Variants in GLIS1 observed in about 807,000 individuals in gnomAD.
The protein encoded by GLIS1 is GLIS family zinc finger 1.
GLIS1 carries 24 observed loss-of-function variants against 63.8 expected under a neutral mutation model. That is an observed-to-expected ratio of 0.38 (90% CI 0.27 to 0.53). The LOEUF is 0.53. Ranked by LOEUF, GLIS1 falls within the 20% of genes least tolerant of loss-of-function variation. The pLI is 0.85. For synonymous variants in GLIS1, 450 were observed against 482.5 expected (o/e 0.93, Z 0.88); for missense variants, 1,036 against 1,074.1 (o/e 0.96, Z 0.50).
At chr1:53,509,747 G>T in intron 9 of GLIS1, 102 bp downstream of exon 9, 1 of 705,634 alleles carries the variant, frequency 1.4e-6, no homozygotes, top group South Asian at 7.3e-5. Context: ...GTCATTCTCT[G>T]AGTACCTGCC....
At chr1:53,550,314 G>A (rs1355352508) in intron 4 of GLIS1, among the ~76,000 whole-genome samples, 1 of 152,200 alleles carries the variant, frequency 6.6e-6, no homozygotes. Flanking sequence ...TAGCAAGTGA[G>A]CATCCCTGGC....
At chr1:53,678,063 C>A (rs949386431) in intron 2 of GLIS1, among the ~76,000 whole-genome samples, 3 of 152,248 alleles carry the variant, frequency 2.0e-5, no homozygotes, top group Admixed American at 6.5e-5. Context: ...CTGGCACCAC[C>A]GGCTCCTTGG....
chr1:53,565,462 A>T (rs948290710), intron 4 of GLIS1, among the ~76,000 whole-genome samples: 1 of 152,088 alleles, frequency 6.6e-6, no homozygotes, highest in Non-Finnish European at 1.5e-5. Flanking sequence ...AAAGACTAGT[A>T]GACAAACCTC....
At chr1:53,684,115 A>G (rs1646304824) in intron 2 of GLIS1, among the ~76,000 whole-genome samples, 1 of 152,030 alleles carries the variant, frequency 6.6e-6, no homozygotes, top group African/African-American at 2.4e-5. Flanking sequence ...TCTAAACTCC[A>G]AAGTTCCCAG....
intron 4 of GLIS1, among the ~76,000 whole-genome samples, chr1:53,583,853 A>G (rs551124116): frequency 3.8e-4 from 58 of 152,366 alleles, no homozygotes; most frequent in African/African-American, 1.3e-3. Flanking sequence ...ACAGTTGTGC[A>G]AACTTTACGG....
intron 7 of GLIS1, among the ~76,000 whole-genome samples, chr1:53,517,012 T>A (rs1200980537): frequency 3.3e-5 from 5 of 152,182 alleles, no homozygotes; most frequent in African/African-American, 9.6e-5. Context: ...CTTTCCACAT[T>A]ATCTAGTTTA....
chr1:53,733,243 C>G (rs531633777), intron 2 of GLIS1, among the ~76,000 whole-genome samples: 184 of 152,250 alleles, frequency 1.2e-3, no homozygotes, highest in Non-Finnish European at 2.1e-3. Context: ...GCTTCTCACG[C>G]AAATGAAACG....
At chr1:53,516,083 T>A (rs1448658820) in intron 7 of GLIS1, among the ~76,000 whole-genome samples, 1 of 152,140 alleles carries the variant, frequency 6.6e-6, no homozygotes, top group Non-Finnish European at 1.5e-5. Context: ...GGGGCTGCAC[T>A]GATGGACTCT....
rs111438555 is a variant in GLIS1, at chr1:53,512,037, A to G, written c.1884-2010T>C. Among the ~76,000 whole-genome samples the G allele has an allele frequency of 3.5e-3, 531 of 152,378 alleles. 7 individuals are homozygous for G. Among genetic ancestry groups the G allele is most frequent in the African/African-American group, 0.012 (517 of 41,596 alleles). ...TCCCAGAGATTAACAGCATTGCAGGATTAAGATGAACCAGATATGAAGGGG... is the reference window on the plus strand; with the variant it reads ...TCCCAGAGATTAACAGCATTGCAGGGTTAAGATGAACCAGATATGAAGGGG... On this transcript the variant is annotated intron_variant, in intron 8 of 10. Coordinates refer to ENST00000628545, the MANE Select transcript of GLIS1 (RefSeq NM_001367484.1).
chr1:53,595,645 G>A (rs1379741304), intron 3 of GLIS1, among the ~76,000 whole-genome samples: 1 of 152,212 alleles, frequency 6.6e-6, no homozygotes, highest in Admixed American at 6.5e-5. Context: ...CAGGAAGAAG[G>A]CTGAGGCTGG....
At chr1:53,524,933 C>T (rs368487306) in intron 5 of GLIS1, 46 bp from the exon 6 acceptor site, 44 of 1,403,142 alleles carry the variant, frequency 3.1e-5, no homozygotes, top group African/African-American at 1.6e-4. Flanking sequence ...CCCATCCCTA[C>T]GGGACACGCG....
intron 2 of GLIS1, among the ~76,000 whole-genome samples, chr1:53,649,886 G>C (rs976329536): frequency 2.0e-5 from 3 of 152,144 alleles, no homozygotes; most frequent in African/African-American, 7.2e-5. Flanking sequence ...ATCAACAGTA[G>C]GTCATTAGCA....
intron 5 of GLIS1, among the ~76,000 whole-genome samples, chr1:53,529,308 C>T (rs3855966): frequency 0.14 from 21,901 of 152,148 alleles, 3,280 homozygotes; most frequent in East Asian, 0.49. Flanking sequence ...CAGGGCTCAA[C>T]GGACAAAAGA....
intron 2 of GLIS1, among the ~76,000 whole-genome samples, chr1:53,631,464 A>G (rs1338762642): frequency 3.3e-5 from 5 of 152,148 alleles, no homozygotes; most frequent in African/African-American, 1.2e-4. Context: ...ATGTACTTAC[A>G]CTCTACAAAA....
intron 4 of GLIS1, among the ~76,000 whole-genome samples, chr1:53,564,558 T>C (rs1180876785): frequency 1.3e-5 from 2 of 152,012 alleles, no homozygotes; most frequent in African/African-American, 2.4e-5. Context: ...ACTAAAGACA[T>C]AAAATAAATT....
chr1:53,599,927 G>A (rs562055761), intron 3 of GLIS1, among the ~76,000 whole-genome samples, 174 bp downstream of exon 3: 8 of 152,358 alleles, frequency 5.3e-5, no homozygotes, highest in African/African-American at 1.9e-4. Flanking sequence ...GTGTCTCTCA[G>A]AAGGCAAAGC....
rs143981383 is a variant in GLIS1, at chr1:53,594,654, G to C, written c.774C>G (p.Ser258=). 1.9e-6 allele frequency: 3 copies of C among 1,556,168 alleles called. No individual in the cohort carries two copies. The highest frequency in any genetic ancestry group is 2.3e-5 in the East Asian group (1 of 44,220). Residue 258 remains serine (S), a synonymous_variant, in exon 4 of 11, where the codon TCC becomes TCG. Coordinates refer to ENST00000628545, the MANE Select transcript of GLIS1 (RefSeq NM_001367484.1). ...TSPASSSPCA[S]SDVTSIIRSS... is the part of the protein sequence containing the mutation. ...AGCGGATGATGGAGGTGACGTCGGA[G>C]GAGGCACAGGGTGAGGAGGAGGCTG... is the stretch of plus-strand genomic sequence containing the variant.
chr1:53,551,892 C>A (rs1557445807), intron 4 of GLIS1, among the ~76,000 whole-genome samples: 1 of 152,102 alleles, frequency 6.6e-6, no homozygotes, highest in East Asian at 1.9e-4. Context: ...GCCATATACT[C>A]CTTCTCCACA....
chr1:53,652,939 A>T (rs1056826168), intron 2 of GLIS1, among the ~76,000 whole-genome samples: 1 of 152,226 alleles, frequency 6.6e-6, no homozygotes, highest in Non-Finnish European at 1.5e-5. Flanking sequence ...GGATGATGAG[A>T]AAGCAACTCC....
Sources: allele counts gnomAD v4.1 joint callset (sites outside exome capture counted in the v4.1 genomes callset), GRCh38; gene constraint gnomAD v4.1.1; transcripts MANE v1.5; gene names NCBI Gene and HGNC (gene_info 2026-07-23, HGNC 2026-07-21).